Variants in CDH18 observed in about 807,000 individuals in gnomAD.
CDH18 encodes cadherin 18.
Under a neutral mutation model 67.9 loss-of-function variants are expected in CDH18, and 31 were observed. The ratio of observed to expected loss-of-function variants is 0.46; its 90% CI spans 0.34 to 0.62. The LOEUF (loss-of-function observed/expected upper bound fraction) is 0.62. Ranked by LOEUF, CDH18 falls within the 20% of genes least tolerant of loss-of-function variation. CDH18 has a pLI of 0.01. For missense variants in CDH18, 890 were observed against 975.5 expected, an observed-to-expected ratio of 0.91 and a Z score of 1.17; for synonymous variants, 362 against 347.2, an observed-to-expected ratio of 1.04 and a Z score of -0.48.
intron 1 of CDH18, among the ~76,000 whole-genome samples, chr5:20,313,158 T>C (rs1355789129): frequency 6.6e-6 from 1 of 152,140 alleles, no homozygotes; most frequent in Non-Finnish European, 1.5e-5. Flanking sequence ...ATTTAAGTCA[T>C]GGTTATTAGT....
chr5:20,329,691 AC>A (rs1187316269), intron 1 of CDH18, among the ~76,000 whole-genome samples: 3 of 137,282 alleles, frequency 2.2e-5, no homozygotes, highest in Non-Finnish European at 4.6e-5. Context: ...AATTTCTTGA[AC>A]CCCGGAGGCG....
At chr5:20,189,575 T>C (rs553649032) in intron 2 of CDH18, among the ~76,000 whole-genome samples, 74 of 152,262 alleles carry the variant, frequency 4.9e-4, no homozygotes, top group African/African-American at 1.7e-3. Flanking sequence ...GAGATACTTA[T>C]TATCCCCATG....
chr5:19,740,544 C>T (rs192531248), intron 4 of CDH18, among the ~76,000 whole-genome samples: 2,982 of 152,170 alleles, frequency 0.02, 91 homozygotes, highest in African/African-American at 0.067. Context: ...AGATACGATA[C>T]ACACAATTAA....
At chr5:19,579,923 T>G (rs1050337036) in intron 7 of CDH18, among the ~76,000 whole-genome samples, 1 of 151,782 alleles carries the variant, frequency 6.6e-6, no homozygotes, top group African/African-American at 2.4e-5. Context: ...ATATAATTAT[T>G]TATTGTTTCT....
In CDH18 at chr5:19,664,393, T is replaced by C. The variant is rs1419421187; in HGVS notation, c.644-51792A>G. On this transcript the variant is annotated intron_variant, in intron 5 of 12. Transcript: ENST00000382275. ...TTGCATTTGTGATTCATATGATTCA[T>C]ATACTGACATAGAAAGCTGATGAAA... 2.0e-5 allele frequency among the ~76,000 whole-genome samples: 3 copies of C among 151,932 alleles called. No individual in the cohort carries two copies. The East Asian group carries it at 5.8e-4, about 29-fold the overall frequency.
chr5:19,846,816 G>A (rs1428354219), intron 2 of CDH18, among the ~76,000 whole-genome samples: 2 of 152,152 alleles, frequency 1.3e-5, no homozygotes, highest in African/African-American at 4.8e-5. Flanking sequence ...CAGGTCTTGT[G>A]GTAATGAACT....
chr5:20,232,126 C>T (rs1742126421), intron 2 of CDH18, among the ~76,000 whole-genome samples: 1 of 151,846 alleles, frequency 6.6e-6, no homozygotes, highest in Non-Finnish European at 1.5e-5. Context: ...AAGATTGTTT[C>T]ATTCCTCACA....
intron 2 of CDH18, among the ~76,000 whole-genome samples, chr5:20,153,738 A>C (rs924515249): frequency 2.0e-5 from 3 of 152,130 alleles, no homozygotes; most frequent in Non-Finnish European, 4.4e-5. Context: ...TTATACATGC[A>C]TCAAGAGAGA....
intron 2 of CDH18, among the ~76,000 whole-genome samples, chr5:20,073,707 C>A (rs75559694): frequency 0.012 from 1,753 of 150,438 alleles, 39 homozygotes; most frequent in African/African-American, 0.041. Flanking sequence ...GTATTTATTG[C>A]AAATAGATTA....
At chr5:19,709,005 T>C (rs147675393) in intron 5 of CDH18, among the ~76,000 whole-genome samples, 1 of 1,034 alleles carries the variant, frequency 9.7e-4, no homozygotes. Context: ...TAGACTCTGT[T>C]AAATAAATAA....
chr5:19,892,338 TTAAAA>T (rs1458761394), intron 2 of CDH18, among the ~76,000 whole-genome samples: 1 of 152,128 alleles, frequency 6.6e-6, no homozygotes, highest in African/African-American at 2.4e-5. Flanking sequence ...TTTTGATATG[TTAAAA>T]TAATAAATAA....
chr5:20,091,935 C>T (rs947156339), intron 2 of CDH18, among the ~76,000 whole-genome samples: 2 of 152,062 alleles, frequency 1.3e-5, no homozygotes, highest in Non-Finnish European at 2.9e-5. Context: ...GCTGGGAGGA[C>T]CTTTTTAAAA....
At chr5:19,622,393 T>C (rs1750849188) in intron 5 of CDH18, among the ~76,000 whole-genome samples, 1 of 152,194 alleles carries the variant, frequency 6.6e-6, no homozygotes, top group Non-Finnish European at 1.5e-5. Flanking sequence ...GAACCAACTA[T>C]CAATGCTACT....
intron 1 of CDH18, among the ~76,000 whole-genome samples, chr5:20,475,310 A>C (rs1483661375): frequency 1.3e-5 from 2 of 152,122 alleles, no homozygotes; most frequent in Non-Finnish European, 2.9e-5. Context: ...TCCAGGCATT[A>C]AGCAGTACAG....
At chr5:20,353,078 AAAG>A (rs1580814937) in intron 1 of CDH18, among the ~76,000 whole-genome samples, 2 of 152,184 alleles carry the variant, frequency 1.3e-5, no homozygotes, top group African/African-American at 4.8e-5. Context: ...CTAATCATTG[AAAG>A]AAGGTTATAT....
intron 5 of CDH18, among the ~76,000 whole-genome samples, chr5:19,641,526 G>T (rs945540994): frequency 1.3e-5 from 2 of 151,986 alleles, no homozygotes; most frequent in African/African-American, 4.8e-5. Flanking sequence ...TGGTTTGCAA[G>T]AATCGTTTAA....
chr5:20,516,501 T>C (rs1358052613), intron 1 of CDH18, among the ~76,000 whole-genome samples: 1 of 151,976 alleles, frequency 6.6e-6, no homozygotes, highest in African/African-American at 2.4e-5. Context: ...TCAAATGAGC[T>C]GGTTCTTATA....
intron 2 of CDH18, among the ~76,000 whole-genome samples, chr5:20,146,289 AG>A (rs1453899502): frequency 3.3e-5 from 5 of 152,022 alleles, no homozygotes; most frequent in African/African-American, 1.2e-4. Flanking sequence ...GAGTATAGTG[AG>A]GGAGGGAGAA....
intron 2 of CDH18, among the ~76,000 whole-genome samples, chr5:19,963,495 T>C (rs537969164): frequency 3.3e-5 from 5 of 152,144 alleles, no homozygotes; most frequent in Admixed American, 2.6e-4. Flanking sequence ...GTTACACTTA[T>C]GATGCTGTTC....
Sources: allele counts gnomAD v4.1 joint callset (sites outside exome capture counted in the v4.1 genomes callset), GRCh38; gene constraint gnomAD v4.1.1; transcripts MANE v1.5; gene names NCBI Gene and HGNC (gene_info 2026-07-23, HGNC 2026-07-21).